Variants in GLG1 observed in about 807,000 individuals in gnomAD.
GLG1 encodes golgi glycoprotein 1.
In GLG1, 38 loss-of-function variants were observed where a neutral mutation model predicts 160.5. The observed-to-expected ratio is 0.24, with a 90% CI of 0.18 to 0.31. The LOEUF (loss-of-function observed/expected upper bound fraction) is 0.31. GLG1 is among the 10% of genes least tolerant of loss of function. GLG1 has a pLI of 1.00. For synonymous variants in GLG1, 644 were observed against 543.4 expected (o/e 1.19, Z -2.57); for missense variants, 1,373 against 1,505.2 (o/e 0.91, Z 1.45).
intron 3 of GLG1, among the ~76,000 whole-genome samples, chr16:74,507,649 C>A (rs1474860040): frequency 6.6e-6 from 1 of 151,906 alleles, no homozygotes; most frequent in Non-Finnish European, 1.5e-5. Context: ...GGCAGGAGAA[C>A]TGCTTGAACC....
intron 25 of GLG1, among the ~76,000 whole-genome samples, chr16:74,454,165 G>A (rs771492547): frequency 1.4e-4 from 21 of 151,678 alleles, no homozygotes; most frequent in Non-Finnish European, 1.8e-4. Context: ...GAGCCACTGC[G>A]CCCGGCCTTG....
At chr16:74,464,671 T>C (rs1204990407) in intron 19 of GLG1, among the ~76,000 whole-genome samples, 1 of 152,186 alleles carries the variant, frequency 6.6e-6, no homozygotes, top group East Asian at 1.9e-4. Context: ...CATCAGAGCC[T>C]GACATTTCCA....
intron 11 of GLG1, among the ~76,000 whole-genome samples, chr16:74,479,339 CT>C (rs1489691990): frequency 3.3e-5 from 5 of 149,850 alleles, no homozygotes; most frequent in African/African-American, 9.8e-5. Context: ...CCAACTCTTT[CT>C]TATTTAAAAG....
chr16:74,484,066 C>T (rs1467807633), intron 9 of GLG1, among the ~76,000 whole-genome samples: 2 of 152,142 alleles, frequency 1.3e-5, no homozygotes, highest in Middle Eastern at 6.8e-3. Flanking sequence ...GCAGTTCTTC[C>T]TTCTTCCCTC....
At chr16:74,581,526 G>A in intron 1 of GLG1, among the ~76,000 whole-genome samples, 1 of 145,886 alleles carries the variant, frequency 6.9e-6, no homozygotes, top group Non-Finnish European at 1.5e-5. Flanking sequence ...GAGATTCAAT[G>A]TAAGATTTAA....
chr16:74,468,647 A>C (rs985257171), intron 17 of GLG1: 3 of 312,146 alleles, frequency 9.6e-6, no homozygotes, highest in Non-Finnish European at 1.2e-5. Context: ...GATTACCTGC[A>C]TGAGCCACAG....
At chr16:74,473,283 G>A (rs951853698) in intron 13 of GLG1, among the ~76,000 whole-genome samples, 4 of 151,450 alleles carry the variant, frequency 2.6e-5, no homozygotes, top group African/African-American at 4.9e-5. Flanking sequence ...GTGCAATCTC[G>A]GCTCACTGCA....
At chr16:74,517,794 G>A (rs2017029731) in intron 2 of GLG1, among the ~76,000 whole-genome samples, 1 of 152,144 alleles carries the variant, frequency 6.6e-6, no homozygotes, top group Non-Finnish European at 1.5e-5. Flanking sequence ...TGTATATTTA[G>A]AAAAGCCCGT....
chr16:74,506,306 C>T (rs1021575127), intron 3 of GLG1, among the ~76,000 whole-genome samples: 6 of 151,736 alleles, frequency 4.0e-5, no homozygotes, highest in Non-Finnish European at 5.9e-5. Context: ...AGGCCAGGAG[C>T]GGTGGCTCAC....
intron 1 of GLG1, among the ~76,000 whole-genome samples, chr16:74,560,812 A>G (rs1269222738): frequency 6.6e-6 from 1 of 152,074 alleles, no homozygotes; most frequent in East Asian, 1.9e-4. Context: ...CAGCAATCCC[A>G]TCTCGAAAGA....
intron 2 of GLG1, among the ~76,000 whole-genome samples, chr16:74,527,112 C>T (rs1017773790): frequency 6.6e-6 from 1 of 152,158 alleles, no homozygotes; most frequent in Non-Finnish European, 1.5e-5. Context: ...CTACCTCATA[C>T]ACAATATAAG....
At chr16:74,551,129 A>G (rs2550817) in intron 1 of GLG1, among the ~76,000 whole-genome samples, 2 of 152,160 alleles carry the variant, frequency 1.3e-5, no homozygotes, top group Non-Finnish European at 2.9e-5. Context: ...AATCTCAGGA[A>G]AGCAATTTTT....
At chr16:74,486,413 A>C (rs2015787480) in intron 8 of GLG1, among the ~76,000 whole-genome samples, 1 of 152,264 alleles carries the variant, frequency 6.6e-6, no homozygotes, top group Non-Finnish European at 1.5e-5. Flanking sequence ...AATTTCATTT[A>C]ACTTGCAGAA....
At chr16:74,570,304 A>G (rs941202474) in intron 1 of GLG1, among the ~76,000 whole-genome samples, 3 of 152,112 alleles carry the variant, frequency 2.0e-5, no homozygotes, top group African/African-American at 7.2e-5. Flanking sequence ...TTGTCTCTCT[A>G]CTGGTACCAG....
At chr16:74,556,130 G>C (rs185962048) in intron 1 of GLG1, among the ~76,000 whole-genome samples, 16 of 152,252 alleles carry the variant, frequency 1.1e-4, no homozygotes, top group Middle Eastern at 3.4e-3. Context: ...TGAGCCACTG[G>C]TAAGAATAAA....
chr16:74,531,334 T>A (rs62054167), intron 2 of GLG1, among the ~76,000 whole-genome samples: 1 of 152,176 alleles, frequency 6.6e-6, no homozygotes, highest in Non-Finnish European at 1.5e-5. Flanking sequence ...TATTGATTTA[T>A]TTAAGACAAA....
chr16:74,459,919 G>C (rs527432262), intron 22 of GLG1, 130 bp from the exon 23 acceptor site: 3 of 518,170 alleles, frequency 5.8e-6, no homozygotes, highest in African/African-American at 2.0e-5. Context: ...GCAGTGGTGC[G>C]ATCTCGGCTC....
intron 1 of GLG1, among the ~76,000 whole-genome samples, chr16:74,600,082 T>C (rs993403239): frequency 3.3e-5 from 5 of 151,332 alleles, no homozygotes; most frequent in African/African-American, 1.2e-4. Flanking sequence ...GATAATCCAG[T>C]GTTAGTGCTT....
At chr16:74,513,886 A>G (rs540219309) in intron 2 of GLG1, among the ~76,000 whole-genome samples, 3 of 152,232 alleles carry the variant, frequency 2.0e-5, no homozygotes, top group South Asian at 4.2e-4. Context: ...GAAGCTAAAA[A>G]CCTTGAAAAA....
Sources: gnomAD v4.1 joint callset for allele counts (sites outside exome capture counted in the v4.1 genomes callset) on GRCh38, gnomAD v4.1.1 for gene constraint, MANE v1.5 for transcripts, NCBI Gene and HGNC (gene_info 2026-07-23, HGNC 2026-07-21) for gene names.